Variants in RASGEF1C observed in about 807,000 individuals in gnomAD.
RASGEF1C encodes the protein ras-GEF domain-containing family member 1C.
Under a neutral mutation model 58.1 loss-of-function variants are expected in RASGEF1C, and 27 were observed. The ratio of observed to expected loss-of-function variants is 0.46; its 90% CI spans 0.34 to 0.64. The LOEUF is 0.64. RASGEF1C is among the 30% of genes least tolerant of loss of function. The pLI, the probability that RASGEF1C is intolerant of heterozygous loss-of-function variation, is 0.01. For missense variants in RASGEF1C, 502 were observed against 605.1 expected (o/e 0.83, Z 1.79); for synonymous variants, 243 against 246.3 (o/e 0.99, Z 0.13).
At chr5:180,173,768 C>T (rs933688868) in intron 1 of RASGEF1C, among the ~76,000 whole-genome samples, 2 of 151,998 alleles carry the variant, frequency 1.3e-5, no homozygotes, top group Non-Finnish European at 2.9e-5. Context: ...CAGAAATTAG[C>T]TGGGCGTGGT....
chr5:180,154,089 A>C (rs992796241), intron 1 of RASGEF1C, among the ~76,000 whole-genome samples: 45 of 152,146 alleles, frequency 3.0e-4, no homozygotes, highest in Middle Eastern at 3.2e-3. Flanking sequence ...GTTCAGTTTT[A>C]CTTCTCTCTG....
At chr5:180,102,001 G>A (rs1765794624) in intron 13 of RASGEF1C, 70 bp downstream of exon 13, 1 of 771,382 alleles carries the variant, frequency 1.3e-6, no homozygotes, top group Admixed American at 2.0e-5. Flanking sequence ...TCCCACCTCG[G>A]CGCGAAGACT....
intron 1 of RASGEF1C, among the ~76,000 whole-genome samples, chr5:180,163,254 C>CTTTTTTTTGTTTTTTTTTT: frequency 1.4e-5 from 1 of 71,068 alleles, no homozygotes; most frequent in Non-Finnish European, 2.5e-5. Flanking sequence ...TTTTTTTTTC[C>CTTTTTTTTGTTTTTTTTTT]AGCCTATTGC....
At position 180,158,140 on chromosome 5, in the gene RASGEF1C, T is replaced by A. The variant is rs561113429; in HGVS notation, c.-6-20082A>T. Among the ~76,000 whole-genome samples the A allele has an allele frequency of 3.6e-3, 549 of 152,256 alleles. 5 individuals carry two copies. The highest frequency in any genetic ancestry group is 0.014 in the Middle Eastern group (4 of 294). On this transcript the variant is annotated intron_variant, in intron 1 of 13. Transcript: ENST00000361132. The surrounding 1 kb of genome is among the most constrained non-coding windows in gnomAD (Gnocchi z 4.0). Reference sequence around the variant, plus strand: ...CTCTAAAAAATAAAGCCCATTTTTTTAAAAGATGGCTTGAAGGGAGTGGGG... The same window carrying A: ...CTCTAAAAAATAAAGCCCATTTTTTAAAAAGATGGCTTGAAGGGAGTGGGG...
At chr5:180,208,165 TGGTCCCGCC>T (rs1382521231) in intron 1 of RASGEF1C, among the ~76,000 whole-genome samples, 1 of 152,050 alleles carries the variant, frequency 6.6e-6, no homozygotes, top group Non-Finnish European at 1.5e-5. Flanking sequence ...TGCCACTCCA[TGGTCCCGCC>T]CCTCTCTAAA....
chr5:180,153,733 T>C (rs1766804288), intron 1 of RASGEF1C, among the ~76,000 whole-genome samples: 1 of 152,244 alleles, frequency 6.6e-6, no homozygotes, highest in Non-Finnish European at 1.5e-5. Context: ...TTAATGGTAA[T>C]TTCATCTTTT....
At chr5:180,117,502 G>T (rs551136177) in intron 10 of RASGEF1C, among the ~76,000 whole-genome samples, 1 of 152,216 alleles carries the variant, frequency 6.6e-6, no homozygotes, top group Non-Finnish European at 1.5e-5. Flanking sequence ...GCCTTCAAAG[G>T]TACAACAAGT....
At chr5:180,195,174 A>T (rs1387588917) in intron 1 of RASGEF1C, among the ~76,000 whole-genome samples, 1 of 149,812 alleles carries the variant, frequency 6.7e-6, no homozygotes, top group African/African-American at 2.5e-5. Context: ...GACCTTGGGG[A>T]GCAGCTGGGG....
intron 4 of RASGEF1C, among the ~76,000 whole-genome samples, chr5:180,129,225 CCA>C (rs1209927824): frequency 6.6e-6 from 1 of 152,216 alleles, no homozygotes; most frequent in Non-Finnish European, 1.5e-5. Flanking sequence ...AGTGTGCCGA[CCA>C]CAGTTTTGGA....
At position 180,143,929 on chromosome 5, in the gene RASGEF1C, C is replaced by G. The variant is rs1766624668; in HGVS notation, c.-6-5871G>C. 6.6e-6 allele frequency among the ~76,000 whole-genome samples: 1 copy of G among 152,106 alleles called. No individual in the cohort carries two copies. Among genetic ancestry groups the G allele is most frequent in the South Asian group, 2.1e-4 (1 of 4,828 alleles). ...GATGTTCTCCCTGGGCCAGGTGTGG[C>G]AGAAGGGACAGAGGTAAAGAAGGCT... On this transcript the variant is annotated intron_variant, in intron 1 of 13. Transcript: ENST00000361132. The surrounding 1 kb of genome is among the most constrained non-coding windows in gnomAD (Gnocchi z 4.3).
chr5:180,189,923 C>CAAAAAAAAAAAAAAAA (rs71001085), intron 1 of RASGEF1C, among the ~76,000 whole-genome samples: 1 of 37,188 alleles, frequency 2.7e-5, no homozygotes, highest in Non-Finnish European at 4.6e-5. Context: ...AACTCCATCT[C>CAAAAAAAAAAAAAAAA]AAAAAAAAAA....
chr5:180,174,258 C>A (rs970072283), intron 1 of RASGEF1C, among the ~76,000 whole-genome samples: 4 of 152,098 alleles, frequency 2.6e-5, no homozygotes, highest in Non-Finnish European at 4.4e-5. Context: ...TTAACAAATT[C>A]GTCATCGTCT....
chr5:180,196,383 A>C (rs1389584566), intron 1 of RASGEF1C, among the ~76,000 whole-genome samples: 1 of 151,834 alleles, frequency 6.6e-6, no homozygotes, highest in African/African-American at 2.4e-5. Flanking sequence ...AGACTGTAAT[A>C]CCAGCTACTC....
chr5:180,125,362 C>T (rs1023484268), intron 6 of RASGEF1C, among the ~76,000 whole-genome samples: 2 of 152,176 alleles, frequency 1.3e-5, no homozygotes, highest in Non-Finnish European at 2.9e-5. Context: ...TCAAGAAATC[C>T]TGTAGCAAAC....
chr5:180,161,690 C>A (rs1766948144), intron 1 of RASGEF1C, among the ~76,000 whole-genome samples: 1 of 152,260 alleles, frequency 6.6e-6, no homozygotes, highest in Non-Finnish European at 1.5e-5. Flanking sequence ...TGGAACACCG[C>A]TGTGGCTGCG....
At chr5:180,116,978 T>G (rs1034698113) in intron 10 of RASGEF1C, among the ~76,000 whole-genome samples, 2 of 152,222 alleles carry the variant, frequency 1.3e-5, no homozygotes, top group Non-Finnish European at 2.9e-5. Flanking sequence ...GATCTGGGAA[T>G]TGGCAATGCT....
chr5:180,135,612 C>A (rs1766458316), intron 4 of RASGEF1C, among the ~76,000 whole-genome samples: 1 of 152,196 alleles, frequency 6.6e-6, no homozygotes, highest in Admixed American at 6.5e-5. Context: ...AGATTTTTGT[C>A]CTCCTTTCGC....
At position 180,128,521 on chromosome 5, in the gene RASGEF1C, G is replaced by T; in HGVS notation, c.528C>A (p.Ala176=). The change falls in exon 5 of 14, where the codon GCC becomes GCA. Residue 176 remains alanine, a synonymous_variant. Transcript: ENST00000361132. The part of the protein sequence containing the change: ...LRQGPEGLVG[A]DKPISYRTKP... The stretch of plus-strand genomic sequence containing the variant: ...TGGTCCTGTAGGAGATGGGCTTGTC[G>T]GCACCCACCAGACCTTCTGGCCCCT... 1.2e-6 allele frequency: 2 copies of T among 1,614,098 alleles called. No individual in the cohort carries two copies. Among genetic ancestry groups the T allele is most frequent in the South Asian group, 2.2e-5 (2 of 91,082 alleles).
chr5:180,206,207 TA>T (rs1756485284), intron 1 of RASGEF1C, among the ~76,000 whole-genome samples: 1 of 152,174 alleles, frequency 6.6e-6, no homozygotes, highest in South Asian at 2.1e-4. Context: ...GATGACCTTT[TA>T]AATAAATGGC....
Sources: allele counts gnomAD v4.1 joint callset (sites outside exome capture counted in the v4.1 genomes callset), GRCh38; gene constraint gnomAD v4.1.1; non-coding constraint Gnocchi (gnomAD v3.1); transcripts MANE v1.5; gene names NCBI Gene and HGNC (gene_info 2026-07-23, HGNC 2026-07-21).